The following NATD1 variants were observed in gnomAD, a reference collection of about 807,000 sequenced individuals.
NATD1 encodes protein NATD1.
A neutral mutation model predicts 12.0 loss-of-function variants in NATD1; 9 were observed. The observed-to-expected ratio is 0.75, with a 90% CI of 0.45 to 1.30. The LOEUF is 1.30. Among genes scored for constraint, NATD1 ranks in the 50% most tolerant of loss-of-function variants. NATD1 has a pLI of 0.00. For missense variants in NATD1, 148 were observed against 148.5 expected (o/e 1.00, Z 0.02); for synonymous variants, 71 against 65.9 (o/e 1.08, Z -0.37).
At position 21,253,405 on chromosome 17, in the gene NATD1, G is replaced by A. The variant is rs1309964400; in HGVS notation, c.-141C>T. On this transcript the variant is annotated 5_prime_UTR_variant, in exon 1 of 3. Transcript: ENST00000611551. ...CTGGGAGACCGCAGGCGGCGGCGCTGAAAGTGACACTCGGCGGCGGCGGCA... is the reference window on the plus strand; with the variant it reads ...CTGGGAGACCGCAGGCGGCGGCGCTAAAAGTGACACTCGGCGGCGGCGGCA... The A allele has an allele frequency of 1.4e-5, 2 of 144,620 alleles. No homozygotes were observed. The highest frequency in any genetic ancestry group is 5.3e-5 in the African/African-American group (2 of 37,772). The allele number at this position is 144,620 out of a possible 1,614,324, so 9.0% of individuals were successfully genotyped here.
rs1249007197 is a variant in NATD1, at chr17:21,242,969, T to A, written c.*344A>T. 9.4e-6 allele frequency: 2 copies of A among 212,262 alleles called. No homozygotes were observed. Among genetic ancestry groups the A allele is most frequent in the Non-Finnish European group, 1.9e-5 (2 of 106,172 alleles). 13.1% of individuals were successfully genotyped at this position (212,262 alleles called of 1,614,324 possible). On this transcript the variant is annotated 3_prime_UTR_variant, in exon 3 of 3. Transcript: ENST00000611551. ...GGCCCAGGAGAGGTGGCAGCAGGGGTCCCACACTGGCCCTCCTGCTGATCT... is the reference window on the plus strand; with the variant it reads ...GGCCCAGGAGAGGTGGCAGCAGGGGACCCACACTGGCCCTCCTGCTGATCT...
At chr17:21,249,802 G>A (rs1427079139) in intron 1 of NATD1, among the ~76,000 whole-genome samples, 4 of 152,206 alleles carry the variant, frequency 2.6e-5, no homozygotes, top group East Asian at 1.9e-4. Flanking sequence ...GATGGAGGCC[G>A]GGGGCTTGAT....
At chr17:21,246,525 G>GAA (rs71160130) in intron 1 of NATD1, among the ~76,000 whole-genome samples, 40 of 108,292 alleles carry the variant, frequency 3.7e-4, no homozygotes, top group Admixed American at 1.8e-3. Context: ...AAAAAAAAAA[G>GAA]AAAAAAAAAA....
chr17:21,245,492 A>T (rs1975317580), intron 1 of NATD1, among the ~76,000 whole-genome samples: 1 of 152,200 alleles, frequency 6.6e-6, no homozygotes, highest in Admixed American at 6.5e-5. Context: ...GGCCACCGGA[A>T]CTGGGGCCAA....
chr17:21,241,250 A>C lies in NATD1; in HGVS notation c.*2063T>G, dbSNP rs983240493. The C allele has an allele frequency of 5.9e-5, 9 of 152,112 alleles. No homozygotes were observed. The highest frequency in any genetic ancestry group is 7.3e-5 in the Non-Finnish European group (5 of 68,118). 9.4% of individuals were successfully genotyped at this position (152,112 alleles called of 1,614,324 possible). ...GGGGGACTCTTTGTGCTGTCACTGC[A>C]AGGGACCCTCCTGCGGATGGGCTGG... is the stretch of plus-strand genomic sequence containing the variant. On this transcript the variant is annotated 3_prime_UTR_variant, in exon 3 of 3. Coordinates refer to ENST00000611551, the MANE Select transcript of NATD1 (RefSeq NM_152914.3).
rs923022019 is a variant in NATD1 at position 21,240,359 on chromosome 17, G to A, written c.*2954C>T. ...GAGCAAAAAGAGGCCAGACACCAGG[G>A]AGGGAAGCCCGCCTCCCCCTCCCCA... On this transcript the variant is annotated 3_prime_UTR_variant, in exon 3 of 3. Transcript: ENST00000611551. The A allele has an allele frequency of 1.3e-5, 2 of 152,406 alleles. No individual in the cohort carries two copies. The highest frequency in any genetic ancestry group is 2.9e-5 in the Non-Finnish European group (2 of 68,152). The allele number at this position is 152,406 out of a possible 1,614,324, so 9.4% of individuals were successfully genotyped here.
chr17:21,246,600 T>G (rs990851061), intron 1 of NATD1, among the ~76,000 whole-genome samples: 7 of 150,768 alleles, frequency 4.6e-5, no homozygotes, highest in African/African-American at 7.3e-5. Context: ...GGCGGGAGAA[T>G]CACTTGAGCC....
chr17:21,249,545 A>G (rs2144367198), intron 1 of NATD1, among the ~76,000 whole-genome samples: 1 of 152,304 alleles, frequency 6.6e-6, no homozygotes, highest in South Asian at 2.1e-4. Context: ...GCTCCACTGC[A>G]TCCAGGGGTG....
At chr17:21,252,501 A>G (rs985926107) in intron 1 of NATD1, among the ~76,000 whole-genome samples, 1 of 152,112 alleles carries the variant, frequency 6.6e-6, no homozygotes, top group South Asian at 2.1e-4. Context: ...CATTGCAGAG[A>G]GGGAGAAACT....
chr17:21,248,156 C>T (rs1189088578), intron 1 of NATD1, among the ~76,000 whole-genome samples: 1 of 152,156 alleles, frequency 6.6e-6, no homozygotes, highest in Non-Finnish European at 1.5e-5. Flanking sequence ...TCCTGGGCAG[C>T]AACCTCGGAG....
At chr17:21,247,413 C>T (rs943277164) in intron 1 of NATD1, among the ~76,000 whole-genome samples, 1 of 152,152 alleles carries the variant, frequency 6.6e-6, no homozygotes, top group Non-Finnish European at 1.5e-5. Context: ...GCGGTGGTGG[C>T]CCAAGCGTGT....
Position 21,244,714 on chromosome 17 carries a change from A to T in NATD1, c.107-490T>A, listed in dbSNP as rs1192536769. ...ACCTGCTGGACCCTGAGAGAGACGC[A>T]GCAGGAAAGATCAGAGGCCTGTGGT... On this transcript the variant is annotated intron_variant, in intron 1 of 2. Coordinates refer to ENST00000611551, the MANE Select transcript of NATD1 (RefSeq NM_152914.3). This position sits in a 1 kb window ranked among gnomAD's most constrained non-coding sequence, Gnocchi z 5.2. 6.6e-6 allele frequency among the ~76,000 whole-genome samples: 1 copy of T among 152,238 alleles called. No individual in the cohort carries two copies. The highest frequency in any genetic ancestry group is 1.5e-5 in the Non-Finnish European group (1 of 68,052).
At chr17:21,246,632 A>G (rs1479732843) in intron 1 of NATD1, among the ~76,000 whole-genome samples, 1 of 151,694 alleles carries the variant, frequency 6.6e-6, no homozygotes, top group Admixed American at 6.6e-5. Context: ...GGCTGTAGTG[A>G]GATATGATTG....
intron 1 of NATD1, among the ~76,000 whole-genome samples, chr17:21,251,226 A>G (rs1315376247): frequency 6.6e-6 from 1 of 150,934 alleles, no homozygotes; most frequent in Non-Finnish European, 1.5e-5. Flanking sequence ...GGGCATGTCC[A>G]GCCCTGACCA....
In NATD1 at chr17:21,241,960, G is replaced by A; in HGVS notation, c.*1353C>T. On this transcript the variant is annotated 3_prime_UTR_variant, in exon 3 of 3. Transcript: ENST00000611551. ...GGGAGGAGTCAGCATGGTGACCACT[G>A]CCCCTGCACCGGGGGAGGAAGGCAT... is the stretch of plus-strand genomic sequence containing the variant. 6.5e-6 allele frequency: 1 copy of A among 153,026 alleles called. No individual in the cohort carries two copies. Among genetic ancestry groups the A allele is most frequent in the Non-Finnish European group, 1.5e-5 (1 of 68,650 alleles). 9.5% of individuals were successfully genotyped at this position (153,026 alleles called of 1,614,324 possible).
intron 1 of NATD1, among the ~76,000 whole-genome samples, chr17:21,248,944 C>T (rs755164714): frequency 2.0e-5 from 3 of 152,152 alleles, no homozygotes; most frequent in Non-Finnish European, 4.4e-5. Context: ...CCACCAGCAT[C>T]ACGTGACTGG....
rs1194512602 is a variant in NATD1 at position 21,253,392 on chromosome 17, A to AGGCGGCGGCGCTGAAAGTGACACTC, written c.-129_-128insGAGTGTCACTTTCAGCGCCGCCGCC. The AGGCGGCGGCGCTGAAAGTGACACTC allele has an allele frequency of 6.4e-6, 1 of 156,854 alleles. No individual in the cohort carries two copies. The highest frequency in any genetic ancestry group is 3.0e-5 in the African/African-American group (1 of 33,358). The allele number at this position is 156,854 out of a possible 1,614,324, so 9.7% of individuals were successfully genotyped here. A position where few individuals can be genotyped will look rare whatever the true frequency, so the allele number is the denominator to read the frequency against. ...GGGTAGTTACGGCCTGGGAGACCGC[A>AGGCGGCGGCGCTGAAAGTGACACTC]GGCGGCGGCGCTGAAAGTGACACTC... On this transcript the variant is annotated 5_prime_UTR_variant, in exon 1 of 3. Coordinates refer to ENST00000611551, the MANE Select transcript of NATD1 (RefSeq NM_152914.3).
rs1038702482 is a variant in NATD1, at chr17:21,244,463, G to C, written c.107-239C>G. ...TGTGACGTGCTTACAGCCATGCCTA[G>C]AACACTTGAGCCCCACATGAACCTT... is the stretch of plus-strand genomic sequence containing the variant. On this transcript the variant is annotated intron_variant, in intron 1 of 2. Coordinates refer to ENST00000611551, the MANE Select transcript of NATD1 (RefSeq NM_152914.3). This position sits in a 1 kb window ranked among gnomAD's most constrained non-coding sequence, Gnocchi z 5.2. 1.3e-5 allele frequency among the ~76,000 whole-genome samples: 2 copies of C among 152,126 alleles called. No individual in the cohort carries two copies. Among genetic ancestry groups the C allele is most frequent in the Non-Finnish European group, 2.9e-5 (2 of 68,018 alleles).
In NATD1 at chr17:21,242,775, G is replaced by C. The variant is rs1975288044; in HGVS notation, c.*538C>G. ...ACTCTGCTGGTCTCTGTCAGGGAGA[G>C]CTGACCCTTTCCAGGGCCCTGCCTG... is the stretch of plus-strand genomic sequence containing the variant. On this transcript the variant is annotated 3_prime_UTR_variant, in exon 3 of 3. Coordinates refer to ENST00000611551, the MANE Select transcript of NATD1 (RefSeq NM_152914.3). 6.5e-6 allele frequency: 1 copy of C among 153,988 alleles called. No homozygotes were observed. 9.5% of individuals were successfully genotyped at this position (153,988 alleles called of 1,614,324 possible).
Sources: gnomAD v4.1 joint callset for allele counts (sites outside exome capture counted in the v4.1 genomes callset) on GRCh38, gnomAD v4.1.1 for gene constraint, Gnocchi (gnomAD v3.1) non-coding constraint, MANE v1.5 for transcripts, NCBI Gene and HGNC (gene_info 2026-07-23, HGNC 2026-07-21) for gene names.